The following XIRP2 variants were observed in gnomAD, a reference collection of about 807,000 sequenced individuals.
XIRP2 encodes the protein xin actin-binding repeat-containing protein 2.
XIRP2 carries 236 observed loss-of-function variants against 277.0 expected under a neutral mutation model. That is an observed-to-expected ratio of 0.85 (90% CI 0.77 to 0.95). The LOEUF (loss-of-function observed/expected upper bound fraction) is 0.95. Ranked by LOEUF, XIRP2 falls within the 40% of genes least tolerant of loss-of-function variation. XIRP2 has a pLI of 0.00. For missense variants in XIRP2, 4,640 were observed against 4,157.5 expected, an observed-to-expected ratio of 1.12 and a Z score of -3.19; for synonymous variants, 1,490 against 1,416.5, an observed-to-expected ratio of 1.05 and a Z score of -1.17.
At chr2:166,910,470 A>AT (rs574576135) in intron 2 of XIRP2, among the ~76,000 whole-genome samples, 2,987 of 152,148 alleles carry the variant, frequency 0.02, 95 homozygotes, top group African/African-American at 0.067. Flanking sequence ...TCCCTTTATC[A>AT]TTTTTTATGG....
At chr2:167,255,353 C>T (rs1695627507) in intron 10 of XIRP2, among the ~76,000 whole-genome samples, 1 of 151,738 alleles carries the variant, frequency 6.6e-6, no homozygotes, top group Non-Finnish European at 1.5e-5. Flanking sequence ...TATCTAAATT[C>T]CTTCTTTAAC....
intron 5 of XIRP2, among the ~76,000 whole-genome samples, chr2:167,221,577 G>GA (rs1243402826): frequency 1.3e-5 from 2 of 151,930 alleles, no homozygotes; most frequent in African/African-American, 4.8e-5. Flanking sequence ...CTATAGCAGG[G>GA]AAAATGTAGA....
intron 3 of XIRP2, among the ~76,000 whole-genome samples, chr2:167,202,616 C>T (rs570969089): frequency 1.6e-3 from 245 of 152,196 alleles, no homozygotes; most frequent in Non-Finnish European, 2.7e-3. Flanking sequence ...CGTGTCTGTG[C>T]AATTTAGGGA....
At position 167,240,276 on chromosome 2, in the gene XIRP2, G is replaced by A. The variant is rs543932483; in HGVS notation, c.969+311G>A. Among the ~76,000 whole-genome samples, 6 of 152,134 alleles carry A rather than the reference G, an allele frequency of 3.9e-5. No homozygotes were observed. In the East Asian group the frequency reaches 9.7e-4, roughly 25 times the overall value. On this transcript the variant is annotated intron_variant, in intron 6 of 10. Coordinates refer to ENST00000409195, the MANE Select transcript of XIRP2 (RefSeq NM_152381.6). ...AAAATACAAAAAAAGTTAGCCAGGT[G>A]TGCTGGTATGTGCCTGTAATCCCAG... is the stretch of plus-strand genomic sequence containing the variant.
chr2:166,901,061 G>T (rs572985502), intron 1 of XIRP2, among the ~76,000 whole-genome samples: 1 of 152,190 alleles, frequency 6.6e-6, no homozygotes, highest in South Asian at 2.1e-4. Context: ...TGGGAGTAAG[G>T]GTTTAGTTGT....
At chr2:167,148,988 G>A (rs1343177831) in intron 3 of XIRP2, among the ~76,000 whole-genome samples, 1 of 152,020 alleles carries the variant, frequency 6.6e-6, no homozygotes, top group African/African-American at 2.4e-5. Context: ...TAGGCCCTGG[G>A]CTCATCTAGG....
rs1318166023 is a variant in XIRP2, at chr2:167,111,084, T to TG, written c.409-24821dup. ...TCAAGGAGCTTTTGGACCCAGACTA[T>TG]GGGGTTTTTTACATACCGAATTACG... On this transcript the variant is annotated intron_variant, in intron 2 of 10. Coordinates refer to ENST00000409195, the MANE Select transcript of XIRP2 (RefSeq NM_152381.6). 3.3e-5 allele frequency among the ~76,000 whole-genome samples: 5 copies of TG among 152,268 alleles called. No individual in the cohort carries two copies. In the East Asian group the frequency reaches 9.7e-4, roughly 29 times the overall value.
chr2:167,013,877 C>A (rs539063662), intron 2 of XIRP2, among the ~76,000 whole-genome samples: 1 of 150,892 alleles, frequency 6.6e-6, no homozygotes. Context: ...TTAGATTCCT[C>A]TTCCTCGTTC....
intron 2 of XIRP2, among the ~76,000 whole-genome samples, chr2:167,101,322 TA>T (rs1274728521): frequency 6.6e-6 from 1 of 152,218 alleles, no homozygotes; most frequent in Non-Finnish European, 1.5e-5. Context: ...TGTACATATA[TA>T]ATTTTTTACT....
chr2:166,985,066 G>A lies in XIRP2; in HGVS notation c.408+81176G>A, dbSNP rs73970206. ...CTTTGGAACTCTTATTGCCAGATATGTCACATCATTCTTTGTTTCCACAAC... is the reference window on the plus strand; with the variant it reads ...CTTTGGAACTCTTATTGCCAGATATATCACATCATTCTTTGTTTCCACAAC... On this transcript the variant is annotated intron_variant, in intron 2 of 10. Transcript: ENST00000409195. 3.1e-3 allele frequency among the ~76,000 whole-genome samples: 475 copies of A among 152,254 alleles called. 2 individuals carry two copies. Among genetic ancestry groups the A allele is most frequent in the African/African-American group, 0.011 (450 of 41,552 alleles).
Position 167,245,954 on chromosome 2 carries a change from AT to A in XIRP2, c.4563del (p.Asp1521GlufsTer22). The A allele has an allele frequency of 6.2e-7, 1 of 1,613,712 alleles. No individual in the cohort carries two copies. Among genetic ancestry groups the A allele is most frequent in the East Asian group, 2.2e-5 (1 of 44,836 alleles). On this transcript the variant is annotated frameshift_variant, in exon 9 of 11. Transcript: ENST00000409195. LOFTEE classifies it high-confidence loss of function. ...KMTKEEIPPS[D>X]VKTTTWLFET... Reference sequence around the variant, plus strand: ...ACCAAGGAAGAAATCCCTCCTTCTGATGTCAAAACAACCACATGGCTCTTTG... The same window carrying A: ...ACCAAGGAAGAAATCCCTCCTTCTGAGTCAAAACAACCACATGGCTCTTTG...
intron 3 of XIRP2, among the ~76,000 whole-genome samples, chr2:167,194,390 A>G (rs926318643): frequency 6.6e-6 from 1 of 152,086 alleles, no homozygotes; most frequent in Non-Finnish European, 1.5e-5. Flanking sequence ...CCATCTTTAC[A>G]TTTTGATCAA....
chr2:166,997,965 T>C (rs557548193), intron 2 of XIRP2, among the ~76,000 whole-genome samples: 16 of 152,134 alleles, frequency 1.1e-4, no homozygotes, highest in Non-Finnish European at 1.6e-4. Flanking sequence ...CCATTTTGGT[T>C]TAGATGTTGA....
chr2:167,227,121 T>A (rs1247483770), intron 5 of XIRP2, among the ~76,000 whole-genome samples: 1 of 152,156 alleles, frequency 6.6e-6, no homozygotes, highest in African/African-American at 2.4e-5. Context: ...CCTTCTTGAT[T>A]TCTGATCTGA....
At chr2:166,932,538 T>C (rs1685372125) in intron 2 of XIRP2, among the ~76,000 whole-genome samples, 1 of 152,146 alleles carries the variant, frequency 6.6e-6, no homozygotes, top group African/African-American at 2.4e-5. Context: ...AATATATTTT[T>C]TGCTCATCAG....
rs1417983195 is a variant in XIRP2, at chr2:167,258,078, A to C, written c.*261A>C. The C allele has an allele frequency of 1.9e-6, 3 of 1,613,090 alleles. No homozygotes were observed. The Admixed American group carries it at 5.0e-5, about 27-fold the overall frequency. On this transcript the variant is annotated 3_prime_UTR_variant, in exon 11 of 11. Transcript: ENST00000409195. ...AACACCCTTGTACCTGGAGATCGTA[A>C]TGAACATTTAGATGCTGGTAACAGT... is the stretch of plus-strand genomic sequence containing the variant.
Position 167,138,469 on chromosome 2 carries a change from G to A in XIRP2, c.562+2407G>A, listed in dbSNP as rs1331461723. Among the ~76,000 whole-genome samples, 5 of 152,116 alleles carry A rather than the reference G, an allele frequency of 3.3e-5. No homozygotes were observed. The South Asian group carries it at 1.0e-3, about 32-fold the overall frequency. The stretch of plus-strand genomic sequence containing the variant: ...TGATACACTCCCAGGTTCCCAGTTT[G>A]TGGACAATTGCTCTCACCACGTCTA... On this transcript the variant is annotated intron_variant, in intron 3 of 10. Coordinates refer to ENST00000409195, the MANE Select transcript of XIRP2 (RefSeq NM_152381.6).
rs775279596 is a variant in XIRP2 at position 167,258,102 on chromosome 2, G to A, written c.*285G>A. The A allele has an allele frequency of 1.2e-6, 2 of 1,613,190 alleles. No homozygotes were observed. Among genetic ancestry groups the A allele is most frequent in the Admixed American group, 1.7e-5 (1 of 59,864 alleles). On this transcript the variant is annotated 3_prime_UTR_variant, in exon 11 of 11. Transcript: ENST00000409195. Reference sequence around the variant, plus strand: ...AATGAACATTTAGATGCTGGTAACAGTGAAGGGCAAAGGAATGATTTGAGA... The same window carrying A: ...AATGAACATTTAGATGCTGGTAACAATGAAGGGCAAAGGAATGATTTGAGA...
chr2:167,206,610 A>G (rs1384194342), intron 3 of XIRP2, among the ~76,000 whole-genome samples: 2 of 152,182 alleles, frequency 1.3e-5, no homozygotes, highest in Non-Finnish European at 2.9e-5. Context: ...AAGGAGTTCA[A>G]AGTGCTTTCC....
Sources: allele counts gnomAD v4.1 joint callset (sites outside exome capture counted in the v4.1 genomes callset), GRCh38; gene constraint gnomAD v4.1.1; transcripts MANE v1.5; gene names NCBI Gene and HGNC (gene_info 2026-07-23, HGNC 2026-07-21).